ZSCAN5A: variants seen among roughly 807,000 people sequenced by gnomAD.
ZSCAN5A encodes the protein zinc finger and SCAN domain-containing protein 5A.
A neutral mutation model predicts 23.7 loss-of-function variants in ZSCAN5A; 12 were observed. The observed-to-expected ratio is 0.51, with a 90% confidence interval of 0.32 to 0.82. The LOEUF (loss-of-function observed/expected upper bound fraction) is 0.82, where lower values mean the gene tolerates loss of function less well. Among genes scored for constraint, ZSCAN5A ranks in the 40% least tolerant of loss-of-function variants. The pLI is 0.03. For missense variants in ZSCAN5A, 597 were observed against 617.9 expected, an observed-to-expected ratio of 0.97 and a Z score of 0.36; for synonymous variants, 257 against 239.9, an observed-to-expected ratio of 1.07 and a Z score of -0.66.
At chr19:56,343,764 T>C (rs912277828) in intron 2 of ZSCAN5A, among the ~76,000 whole-genome samples, 1 of 152,232 alleles carries the variant, frequency 6.6e-6, no homozygotes, top group Non-Finnish European at 1.5e-5. Flanking sequence ...TATATCTCTC[T>C]TATTTCCTGG....
chr19:56,300,975 G>A (rs2040188916), intron 2 of ZSCAN5A, among the ~76,000 whole-genome samples: 2 of 152,180 alleles, frequency 1.3e-5, no homozygotes, highest in African/African-American at 4.8e-5. Flanking sequence ...GGAGATGGAT[G>A]AGAAAGAGAA....
In ZSCAN5A at chr19:56,244,175, G is replaced by A. The variant is rs532633235; in HGVS notation, c.-127-19002C>T. On this transcript the variant is annotated intron_variant, in intron 2 of 5. Transcript: ENST00000683990. ...TGACTGGGACCCTGAGACTTGTCAC[G>A]TGAACTTCAGGATGTTCAGCTGCCC... 1.9e-4 allele frequency: 310 copies of A among 1,611,606 alleles called. 2 individuals are homozygous for A. The highest frequency in any genetic ancestry group is 3.1e-4 in the South Asian group (28 of 90,998).
intron 2 of ZSCAN5A, among the ~76,000 whole-genome samples, chr19:56,254,241 C>CATGAAG (rs1555797982): frequency 6.6e-6 from 1 of 151,176 alleles, no homozygotes; most frequent in Non-Finnish European, 1.5e-5. Context: ...CAAAGTATTA[C>CATGAAG]ATAAACTTTG....
At chr19:56,297,417 TCCTC>T (rs1327658238) in intron 2 of ZSCAN5A, 2 of 335,294 alleles carry the variant, frequency 6.0e-6, no homozygotes, top group South Asian at 1.2e-4. Flanking sequence ...CTCTTCCTCT[TCCTC>T]CCTCCCTCTC....
At chr19:56,317,179 G>A (rs2041326173), upstream of ZSCAN5A, 1 of 152,260 alleles carries the variant, frequency 6.6e-6, no homozygotes, top group Non-Finnish European at 1.5e-5. Flanking sequence ...CTAGATGAAG[G>A]AGGATCACAT....
chr19:56,254,245 A>AAGATAC (rs1450603174), intron 2 of ZSCAN5A, among the ~76,000 whole-genome samples: 1 of 151,764 alleles, frequency 6.6e-6, no homozygotes, highest in African/African-American at 2.4e-5. Context: ...GTATTACATA[A>AAGATAC]ACTTTGGTTG....
At chr19:56,291,914 C>T (rs1178752537) in intron 2 of ZSCAN5A, among the ~76,000 whole-genome samples, 2 of 152,126 alleles carry the variant, frequency 1.3e-5, no homozygotes, top group African/African-American at 2.4e-5. Flanking sequence ...AGGTGCCAGG[C>T]GCGAGGCACC....
Position 56,240,436 on chromosome 19 carries a change from G to A in ZSCAN5A, c.-127-15263C>T, listed in dbSNP as rs756694315. On this transcript the variant is annotated intron_variant, in intron 2 of 5. Transcript: ENST00000683990. ...AGTGCAGGAACTGGAAATGGGGCCT[G>A]GAGTCCTTCGACTTCTCCATAAATA... 5.0e-4 allele frequency among the ~76,000 whole-genome samples: 76 copies of A among 152,112 alleles called. 1 individual carries two copies. The highest frequency in any genetic ancestry group is 9.3e-4 in the Non-Finnish European group (63 of 68,020).
chr19:56,305,978 G>A (rs372118794), intron 2 of ZSCAN5A, among the ~76,000 whole-genome samples: 184 of 151,800 alleles, frequency 1.2e-3, no homozygotes, highest in Middle Eastern at 6.9e-3. Context: ...GGCAGGAGAA[G>A]GGGGAGGGAG....
chr19:56,288,778 TAGTC>T (rs1397802971), intron 2 of ZSCAN5A, among the ~76,000 whole-genome samples: 1 of 152,230 alleles, frequency 6.6e-6, no homozygotes, highest in African/African-American at 2.4e-5. Context: ...CAGGGATGCT[TAGTC>T]AGTGGTGTCT....
At chr19:56,239,853 C>G (rs2035272447) in intron 2 of ZSCAN5A, among the ~76,000 whole-genome samples, 1 of 152,024 alleles carries the variant, frequency 6.6e-6, no homozygotes, top group Admixed American at 6.6e-5. Flanking sequence ...CGCGAGGGGA[C>G]CCAAAGTGAT....
intron 2 of ZSCAN5A, chr19:56,298,252 T>C (rs1296480832): frequency 2.0e-5 from 3 of 152,052 alleles, no homozygotes; most frequent in Non-Finnish European, 2.9e-5. Flanking sequence ...AAGGTGATCA[T>C]TGGAGAAACT....
chr19:56,284,960 C>CTT (rs2038995098), intron 2 of ZSCAN5A: 74 of 974,344 alleles, frequency 7.6e-5, no homozygotes, highest in Non-Finnish European at 8.7e-5. Context: ...TTTCTTTCTG[C>CTT]TGCATTTGCA....
At chr19:56,319,100 G>A (rs1163419831), upstream of ZSCAN5A, among the ~76,000 whole-genome samples, 1 of 152,172 alleles carries the variant, frequency 6.6e-6, no homozygotes, top group Non-Finnish European at 1.5e-5. Context: ...TATGCAAATG[G>A]AAAATTTTTT....
At chr19:56,259,589 A>T (rs1281658415) in intron 2 of ZSCAN5A, among the ~76,000 whole-genome samples, 1 of 152,362 alleles carries the variant, frequency 6.6e-6, no homozygotes, top group South Asian at 2.1e-4. Context: ...TTAGTGGCAG[A>T]AAATTCATGT....
At chr19:56,254,659 G>A (rs960769960) in intron 2 of ZSCAN5A, among the ~76,000 whole-genome samples, 3 of 151,858 alleles carry the variant, frequency 2.0e-5, no homozygotes, top group East Asian at 1.9e-4. Flanking sequence ...TTTTGGGGGG[G>A]GCTGCCATGC....
At chr19:56,298,644 T>A in intron 2 of ZSCAN5A, among the ~76,000 whole-genome samples, 2 of 106,172 alleles carry the variant, frequency 1.9e-5, no homozygotes. Flanking sequence ...AGAGCAAGAC[T>A]CCATCTCAAA....
At chr19:56,336,672 G>C (rs1043098616) in intron 2 of ZSCAN5A, among the ~76,000 whole-genome samples, 1 of 152,020 alleles carries the variant, frequency 6.6e-6, no homozygotes, top group African/African-American at 2.4e-5. Context: ...GATTTTTAGA[G>C]TTTCTAGTTT....
At chr19:56,245,393 C>A in intron 2 of ZSCAN5A, 1 of 745,518 alleles carries the variant, frequency 1.3e-6, no homozygotes, top group Non-Finnish European at 2.5e-6. Flanking sequence ...GCTGCAGACC[C>A]TGCCCAGGGT....
Sources: allele counts gnomAD v4.1 joint callset (sites outside exome capture counted in the v4.1 genomes callset), GRCh38; gene constraint gnomAD v4.1.1; transcripts MANE v1.5; gene names NCBI Gene and HGNC (gene_info 2026-07-23, HGNC 2026-07-21).